Variants in KHDRBS2 observed in about 807,000 individuals in gnomAD.
KHDRBS2 encodes the protein KH domain-containing, RNA-binding, signal transduction-associated protein 2.
Under a neutral mutation model 44.3 loss-of-function variants are expected in KHDRBS2, and 26 were observed. That is an observed-to-expected ratio of 0.59 (90% CI 0.43 to 0.81). The LOEUF (loss-of-function observed/expected upper bound fraction) is 0.81. Among genes scored for constraint, KHDRBS2 ranks in the 40% least tolerant of loss-of-function variants. The pLI is 0.00. For synonymous variants in KHDRBS2, 194 were observed against 151.1 expected, an observed-to-expected ratio of 1.28 and a Z score of -2.08; for missense variants, 476 against 433.1, an observed-to-expected ratio of 1.10 and a Z score of -0.88.
intron 7 of KHDRBS2, among the ~76,000 whole-genome samples, chr6:61,715,452 C>A (rs987912594): frequency 3.3e-5 from 5 of 151,880 alleles, no homozygotes; most frequent in Admixed American, 2.0e-4. Context: ...TTTCAAATAT[C>A]TGATCTGCCT....
chr6:61,883,523 A>C (rs1437887139), intron 6 of KHDRBS2, among the ~76,000 whole-genome samples: 1 of 152,062 alleles, frequency 6.6e-6, no homozygotes, highest in Non-Finnish European at 1.5e-5. Context: ...AAGAATCTGC[A>C]TCTTTTCTAA....
intron 2 of KHDRBS2, among the ~76,000 whole-genome samples, chr6:62,062,740 C>T (rs1418033463): frequency 6.8e-6 from 1 of 146,116 alleles, no homozygotes; most frequent in Non-Finnish European, 1.5e-5. Context: ...AGAGCAAACA[C>T]ATTCAAAAGC....
rs558803359 is a variant in KHDRBS2 at position 61,771,389 on chromosome 6, G to A, written c.811-38625C>T. Among the ~76,000 whole-genome samples the A allele has an allele frequency of 2.0e-5, 3 of 152,222 alleles. No individual in the cohort carries two copies. The East Asian group carries it at 5.8e-4, about 29-fold the overall frequency. Reference sequence around the variant, plus strand: ...ATGCTCCAATTAAAAGACACAGACTGGCAAATTGGATAAAGAGTCAAGACT... The same window carrying A: ...ATGCTCCAATTAAAAGACACAGACTAGCAAATTGGATAAAGAGTCAAGACT... On this transcript the variant is annotated intron_variant, in intron 6 of 8. Transcript: ENST00000281156.
chr6:61,834,049 C>G (rs1792256942), intron 6 of KHDRBS2, among the ~76,000 whole-genome samples: 1 of 152,048 alleles, frequency 6.6e-6, no homozygotes. Flanking sequence ...GTAGATTTTT[C>G]TAAATGGAAA....
At chr6:61,835,140 C>T (rs559513200) in intron 6 of KHDRBS2, among the ~76,000 whole-genome samples, 97 of 152,068 alleles carry the variant, frequency 6.4e-4, no homozygotes, top group African/African-American at 2.3e-3. Context: ...GTTTATTATT[C>T]GAATTTTGGA....
intron 4 of KHDRBS2, among the ~76,000 whole-genome samples, chr6:61,962,415 C>T (rs1214945790): frequency 6.6e-6 from 1 of 151,962 alleles, no homozygotes; most frequent in Non-Finnish European, 1.5e-5. Context: ...GATCTGTGCT[C>T]CATTTCAGTA....
intron 3 of KHDRBS2, among the ~76,000 whole-genome samples, chr6:62,043,565 C>T (rs899383481): frequency 5.9e-5 from 9 of 151,908 alleles, no homozygotes; most frequent in South Asian, 2.1e-4. Flanking sequence ...CTGACCAATA[C>T]GAGAAAGAAA....
chr6:61,564,966 A>G, the KHDRBS2 span, among the ~76,000 whole-genome samples: 1 of 151,858 alleles, frequency 6.6e-6, no homozygotes, highest in African/African-American at 2.4e-5. Context: ...GAGACAGAAT[A>G]AAGAAATAAA....
chr6:61,724,059 C>T (rs1773144358), intron 7 of KHDRBS2, among the ~76,000 whole-genome samples: 1 of 151,994 alleles, frequency 6.6e-6, no homozygotes, highest in Admixed American at 6.6e-5. Context: ...TAAGGGCAAG[C>T]CAGAGAGAAA....
chr6:62,188,324 C>T (rs1057351281), intron 1 of KHDRBS2, among the ~76,000 whole-genome samples: 1 of 152,092 alleles, frequency 6.6e-6, no homozygotes. Flanking sequence ...CTTGCTCCAG[C>T]CCCTGGTAAT....
intron 1 of KHDRBS2, among the ~76,000 whole-genome samples, chr6:62,203,823 T>G (rs1585191632): frequency 6.6e-6 from 1 of 152,286 alleles, no homozygotes; most frequent in Non-Finnish European, 1.5e-5. Context: ...ATGTTTGTCC[T>G]CCCGAACATT....
intron 4 of KHDRBS2, among the ~76,000 whole-genome samples, chr6:61,947,005 A>T (rs766688790): frequency 6.6e-6 from 1 of 152,186 alleles, no homozygotes; most frequent in South Asian, 2.1e-4. Context: ...AATCCAACAG[A>T]AATATCATCT....
chr6:62,047,327 C>T (rs1189480572), intron 3 of KHDRBS2, among the ~76,000 whole-genome samples: 1 of 151,888 alleles, frequency 6.6e-6, no homozygotes, highest in Non-Finnish European at 1.5e-5. Context: ...TCATTTCAAA[C>T]ATCAAACTTG....
intron 4 of KHDRBS2, among the ~76,000 whole-genome samples, chr6:61,956,442 T>A (rs1182266165): frequency 6.6e-6 from 1 of 152,172 alleles, no homozygotes; most frequent in African/African-American, 2.4e-5. Flanking sequence ...GAGACACAGT[T>A]GTAGTGCTTC....
At chr6:61,592,188 CAAA>C in the KHDRBS2 span, among the ~76,000 whole-genome samples, 2 of 122,274 alleles carry the variant, frequency 1.6e-5, no homozygotes, top group African/African-American at 6.1e-5. Flanking sequence ...AAGATCCCAC[CAAA>C]AAAAAAAAAA....
chr6:61,895,353 G>A (rs1802764678), intron 5 of KHDRBS2, among the ~76,000 whole-genome samples: 2 of 152,096 alleles, frequency 1.3e-5, no homozygotes, highest in Admixed American at 6.6e-5. Context: ...AATAAAATGT[G>A]GGAATCTAAC....
chr6:61,818,987 A>G (rs114963441), intron 6 of KHDRBS2, among the ~76,000 whole-genome samples: 7 of 152,162 alleles, frequency 4.6e-5, no homozygotes, highest in Non-Finnish European at 7.4e-5. Flanking sequence ...GGGAAAATCT[A>G]TAATACCCTC....
intron 1 of KHDRBS2, among the ~76,000 whole-genome samples, chr6:62,207,055 C>T (rs1828107294): frequency 6.6e-6 from 1 of 151,954 alleles, no homozygotes; most frequent in Non-Finnish European, 1.5e-5. Context: ...GAACTTTAAT[C>T]CTGTAAGACT....
intron 6 of KHDRBS2, among the ~76,000 whole-genome samples, chr6:61,755,478 A>G (rs974193661): frequency 6.6e-6 from 1 of 152,082 alleles, no homozygotes; most frequent in African/African-American, 2.4e-5. Context: ...TTCAGAACCT[A>G]AGCAGCTCCT....
Sources: allele counts gnomAD v4.1 joint callset (sites outside exome capture counted in the v4.1 genomes callset), GRCh38; gene constraint gnomAD v4.1.1; transcripts MANE v1.5; gene names NCBI Gene and HGNC (gene_info 2026-07-23, HGNC 2026-07-21).